Variants in ZBTB4 observed in about 807,000 individuals in gnomAD.
The protein encoded by ZBTB4 is zinc finger and BTB domain-containing protein 4.
ZBTB4 carries 14 observed loss-of-function variants against 59.8 expected under a neutral mutation model. The ratio of observed to expected loss-of-function variants is 0.23; its 90% CI spans 0.15 to 0.37. The LOEUF (loss-of-function observed/expected upper bound fraction) is 0.37. ZBTB4 is among the 10% of genes least tolerant of loss of function. ZBTB4 has a pLI of 1.00. For synonymous variants in ZBTB4, 587 were observed against 575.2 expected, an observed-to-expected ratio of 1.02 and a Z score of -0.29; for missense variants, 1,198 against 1,380.8, an observed-to-expected ratio of 0.87 and a Z score of 2.10.
upstream of ZBTB4, chr17:7,481,406 G>A: frequency 7.4e-7 from 1 of 1,348,602 alleles, no homozygotes; most frequent in Non-Finnish European, 9.6e-7. Context: ...TACCACCTCA[G>A]GAGAGTTCCA....
At position 7,466,763 on chromosome 17, in the gene ZBTB4, G is replaced by A. The variant is rs1418572056; in HGVS notation, c.39C>T (p.Ala13=). Residue 13 remains alanine, a synonymous_variant, in exon 3 of 4, where the codon GCC becomes GCT. Coordinates refer to ENST00000380599, the MANE Select transcript of ZBTB4 (RefSeq NM_001128833.2). This position sits in a 1 kb window ranked among gnomAD's most constrained non-coding sequence, Gnocchi z 9.1. ...PPAEVTDPSH[A]PAVLRQLNEQ... ...CATTGAGCTGGCGCAGGACGGCGGG[G>A]GCATGGGACGGGTCCGTCACCTCTG... The A allele has an allele frequency of 1.3e-6, 2 of 1,584,754 alleles. No homozygotes were observed. Among genetic ancestry groups the A allele is most frequent in the African/African-American group, 1.3e-5 (1 of 74,700 alleles).
At position 7,466,357 on chromosome 17, in the gene ZBTB4, C is replaced by G; in HGVS notation, c.445G>C (p.Ala149Pro). The change falls in exon 3 of 4, where the codon GCA becomes CCA. Residue 149 changes from alanine to proline, a missense_variant. Around this residue, in one of 9 missense-constraint regions of ZBTB4, gnomAD observed 31 missense variants for 67.6 expected, o/e 0.46. Transcript: ENST00000380599. This position sits in a 1 kb window ranked among gnomAD's most constrained non-coding sequence, Gnocchi z 9.1. ...VLNFIYSARLALPGGGGDGAA... is the reference protein window; with the variant it reads ...VLNFIYSARLPLPGGGGDGAA... ...CCGTCCCCTCCACCACCAGGCAGTG[C>G]GAGCCGGGCGCTGTAGATGAAGTTG... is the stretch of plus-strand genomic sequence containing the variant. 6.2e-7 allele frequency: 1 copy of G among 1,614,010 alleles called. No homozygotes were observed. The highest frequency in any genetic ancestry group is 2.2e-5 in the East Asian group (1 of 44,872).
chr17:7,476,892 T>C (rs1282871558), intron 1 of ZBTB4, among the ~76,000 whole-genome samples: 1 of 152,104 alleles, frequency 6.6e-6, no homozygotes, highest in Non-Finnish European at 1.5e-5. Context: ...CCACTGAATG[T>C]TCCAGAAGGC....
In ZBTB4 at chr17:7,465,938, T is replaced by C. The variant is rs774466514; in HGVS notation, c.864A>G (p.Pro288=). Residue 288 remains proline, a synonymous_variant, in exon 3 of 4, where the codon CCA becomes CCG. Coordinates refer to ENST00000380599, the MANE Select transcript of ZBTB4 (RefSeq NM_001128833.2). The part of the protein sequence containing the change: ...PAGVDASALP[P]PVGFRGGPEH... The stretch of plus-strand genomic sequence containing the variant: ...CGGGGCCCCCTCGGAAGCCCACTGG[T>C]GGAGGCAGGGCTGAGGCGTCCACCC... 2 of 1,608,304 alleles carry C rather than the reference T, an allele frequency of 1.2e-6. No homozygotes were observed. Among genetic ancestry groups the C allele is most frequent in the Non-Finnish European group, 1.7e-6 (2 of 1,176,340 alleles).
chr17:7,462,794 C>A lies in ZBTB4; in HGVS notation c.2188G>T (p.Asp730Tyr), dbSNP rs1423234154. The part of the protein sequence containing the change: ...ARTERRHRCG[D>Y]CAQTFTTLRK... Reference sequence around the variant, plus strand: ...AGGGTGGTGAAGGTCTGGGCACAGTCCCCGCATCGGTGCCTCCGCTCTGTG... The same window carrying A: ...AGGGTGGTGAAGGTCTGGGCACAGTACCCGCATCGGTGCCTCCGCTCTGTG... The change falls in exon 4 of 4, where the codon GAC becomes TAC. Residue 730 changes from aspartate to tyrosine, a missense_variant. Around this residue, in one of 9 missense-constraint regions of ZBTB4, gnomAD observed 550 missense variants for 541.8 expected, o/e 1.02. Transcript: ENST00000380599. This position sits in a 1 kb window ranked among gnomAD's most constrained non-coding sequence, Gnocchi z 7.5. 6.2e-7 allele frequency: 1 copy of A among 1,602,464 alleles called. No individual in the cohort carries two copies. The highest frequency in any genetic ancestry group is 1.1e-5 in the South Asian group (1 of 91,074).
In ZBTB4 at chr17:7,462,605, C is replaced by T. The variant is rs34327669; in HGVS notation, c.2377G>A (p.Gly793Arg). ...HGQRHAAERP[G>R]GTPTPVIAYS... ...GCAATGACAGGGGTTGGGGTGCCCC[C>T]GGGCCGCTCAGCAGCATGCCTCTGC... The change falls in exon 4 of 4, where the codon GGG becomes AGG. Residue 793 changes from glycine (G) to arginine (R), a missense_variant. This residue lies in a region of ZBTB4 where 550 missense variants were observed against 541.8 expected (regional missense o/e 1.02). Coordinates refer to ENST00000380599, the MANE Select transcript of ZBTB4 (RefSeq NM_001128833.2). The surrounding 1 kb of genome is among the most constrained non-coding windows in gnomAD (Gnocchi z 7.5). The T allele has an allele frequency of 8.7e-6, 14 of 1,610,102 alleles. No individual in the cohort carries two copies. The highest frequency in any genetic ancestry group is 1.3e-5 in the African/African-American group (1 of 75,022).
At chr17:7,482,363 G>T, upstream of ZBTB4, 1 of 1,610,068 alleles carries the variant, frequency 6.2e-7, no homozygotes, top group Non-Finnish European at 8.5e-7. Flanking sequence ...GGTGGTGCCC[G>T]CTGGCAACGC....
intron 1 of ZBTB4, among the ~76,000 whole-genome samples, chr17:7,475,719 T>C (rs957941359): frequency 3.3e-5 from 5 of 152,188 alleles, no homozygotes; most frequent in African/African-American, 1.2e-4. Flanking sequence ...ATTACAGGCA[T>C]GGGCCACTGC....
At chr17:7,477,829 CCTCT>C (rs2070289478) in intron 1 of ZBTB4, among the ~76,000 whole-genome samples, 1 of 152,108 alleles carries the variant, frequency 6.6e-6, no homozygotes, top group Admixed American at 6.5e-5. Flanking sequence ...GGCCAAGGAG[CCTCT>C]CTGTCTAAGC....
upstream of ZBTB4, chr17:7,482,889 A>G (rs760708500): frequency 2.5e-6 from 4 of 1,611,986 alleles, no homozygotes; most frequent in Non-Finnish European, 3.4e-6. Flanking sequence ...TATATGCTCC[A>G]TGAGACTGTG....
chr17:7,471,173 G>A (rs1429855294), intron 1 of ZBTB4, among the ~76,000 whole-genome samples: 1 of 152,042 alleles, frequency 6.6e-6, no homozygotes, highest in African/African-American at 2.4e-5. Context: ...CTCTGTAGCT[G>A]CCATTTATGA....
chr17:7,483,052 A>G, upstream of ZBTB4: 1 of 1,610,860 alleles, frequency 6.2e-7, no homozygotes, highest in South Asian at 1.1e-5. Context: ...AAATAGAGGC[A>G]AAGACTGAAG....
At chr17:7,465,122 C>G (rs529422347) in intron 3 of ZBTB4, among the ~76,000 whole-genome samples, 1 of 145,540 alleles carries the variant, frequency 6.9e-6, no homozygotes, top group East Asian at 2.0e-4. Context: ...CGCCACTGCA[C>G]TCCAGCCTGG....
chr17:7,467,319 C>G lies in ZBTB4; in HGVS notation c.-72G>C, dbSNP rs1412189860. The G allele has an allele frequency of 1.1e-6, 1 of 905,460 alleles. No individual in the cohort carries two copies. The highest frequency in any genetic ancestry group is 1.3e-6 in the Non-Finnish European group (1 of 756,306). The allele number at this position is 905,460 out of a possible 1,614,324, so 56.1% of individuals were successfully genotyped here. A position where few individuals can be genotyped will look rare whatever the true frequency, so the allele number is the denominator to read the frequency against. ...GCTCAGCGAGTCCCTTCTGCTGGGCCTCTTCCTTCTGCGGAGAAACAGAAA... is the reference window on the plus strand; with the variant it reads ...GCTCAGCGAGTCCCTTCTGCTGGGCGTCTTCCTTCTGCGGAGAAACAGAAA... On this transcript the variant is annotated 5_prime_UTR_variant, in exon 2 of 4. Transcript: ENST00000380599.
In ZBTB4 at chr17:7,459,673, C is replaced by A. The variant is rs1413473234; in HGVS notation, c.*2267G>T. The A allele has an allele frequency of 6.6e-6, 1 of 152,364 alleles. No individual in the cohort carries two copies. Among genetic ancestry groups the A allele is most frequent in the Non-Finnish European group, 1.5e-5 (1 of 68,010 alleles). 9.4% of individuals were successfully genotyped at this position (152,364 alleles called of 1,614,324 possible). ...TCTGAAACTCACAATATTCAAATTC[C>A]CCAGCTCAAATACATATATTTTAAT... On this transcript the variant is annotated 3_prime_UTR_variant, in exon 4 of 4. Transcript: ENST00000380599.
At chr17:7,482,380 T>G, upstream of ZBTB4, 1 of 1,614,028 alleles carries the variant, frequency 6.2e-7, no homozygotes, top group Non-Finnish European at 8.5e-7. Context: ...ACGCTGCCAC[T>G]GTTCGCAAAG....
At chr17:7,469,392 T>C (rs2070168820) in intron 1 of ZBTB4, among the ~76,000 whole-genome samples, 4 of 151,780 alleles carry the variant, frequency 2.6e-5, no homozygotes, top group Middle Eastern at 3.2e-3. Context: ...AATCTTGATC[T>C]CCTGACCTTG....
chr17:7,461,941 C>T lies in ZBTB4; in HGVS notation c.3041G>A (p.Ter1014=). ...GAAAGGGGGATTGAGCCCCAGGGTTCACCCCACATCGCCCTTCTGGGTTCT... is the reference window on the plus strand; with the variant it reads ...GAAAGGGGGATTGAGCCCCAGGGTTTACCCCACATCGCCCTTCTGGGTTCT... ...VERTQKGDVG[*] The change falls in exon 4 of 4, where the codon TGA becomes TAA. Residue 1014 remains the stop codon, a stop_retained_variant. Coordinates refer to ENST00000380599, the MANE Select transcript of ZBTB4 (RefSeq NM_001128833.2). 1.3e-6 allele frequency: 2 copies of T among 1,536,120 alleles called. No homozygotes were observed. Among genetic ancestry groups the T allele is most frequent in the Non-Finnish European group, 1.8e-6 (2 of 1,139,810 alleles).
chr17:7,480,744 C>A (rs1256190791), upstream of ZBTB4, among the ~76,000 whole-genome samples: 1 of 151,606 alleles, frequency 6.6e-6, no homozygotes. Context: ...AACAAAAAAA[C>A]CTCTCTGAAA....
Sources: gnomAD v4.1 joint callset for allele counts (sites outside exome capture counted in the v4.1 genomes callset) on GRCh38, gnomAD v4.1.1 for gene constraint, gnomAD v4.1.1 regional missense constraint, Gnocchi (gnomAD v3.1) non-coding constraint, MANE v1.5 for transcripts, NCBI Gene and HGNC (gene_info 2026-07-23, HGNC 2026-07-21) for gene names.